The following DRC8 variants were observed in gnomAD, a reference collection of about 807,000 sequenced individuals.
DRC8 encodes dynein regulatory complex subunit 8.
chr1:245,052,478 G>A, the DRC8 span, among the ~76,000 whole-genome samples: 10 of 152,190 alleles, frequency 6.6e-5, 1 homozygote. Flanking sequence ...GAGGAACCAC[G>A]CAGCCAACCC....
the DRC8 span, among the ~76,000 whole-genome samples, chr1:245,112,587 A>C: frequency 6.6e-6 from 1 of 152,330 alleles, no homozygotes; most frequent in South Asian, 2.1e-4. Context: ...TGGAATATAC[A>C]TAACATCAAG....
the DRC8 span, among the ~76,000 whole-genome samples, chr1:245,094,866 T>C: frequency 6.6e-6 from 1 of 152,370 alleles, no homozygotes; most frequent in East Asian, 1.9e-4. Flanking sequence ...TTACTAATGC[T>C]TTGCTTCATC....
chr1:245,047,974 CAAA>C, the DRC8 span, among the ~76,000 whole-genome samples: 204 of 102,768 alleles, frequency 2.0e-3, 1 homozygote, highest in African/African-American at 5.7e-3. Context: ...GACTCTGTCT[CAAA>C]AAAAAAAAAA....
At chr1:245,110,326 G>C in the DRC8 span, among the ~76,000 whole-genome samples, 1 of 152,194 alleles carries the variant, frequency 6.6e-6, no homozygotes, top group Non-Finnish European at 1.5e-5. Context: ...GGAGGTTGCT[G>C]TGAGCCGAGA....
At chr1:245,076,995 G>A in the DRC8 span, among the ~76,000 whole-genome samples, 1 of 152,086 alleles carries the variant, frequency 6.6e-6, no homozygotes, top group East Asian at 1.9e-4. Flanking sequence ...AAAGTGCTGG[G>A]ATTACAGGCG....
At chr1:244,980,999 A>G in the DRC8 span, among the ~76,000 whole-genome samples, 1 of 152,198 alleles carries the variant, frequency 6.6e-6, no homozygotes, top group Non-Finnish European at 1.5e-5. Context: ...CCTGACCAAC[A>G]TGGCAAAACC....
the DRC8 span, among the ~76,000 whole-genome samples, chr1:245,022,441 G>A: frequency 6.6e-6 from 1 of 151,964 alleles, no homozygotes; most frequent in African/African-American, 2.4e-5. Context: ...TGGAATTACA[G>A]GCATGAGCCA....
chr1:244,985,914 G>C, the DRC8 span, among the ~76,000 whole-genome samples: 1 of 151,246 alleles, frequency 6.6e-6, no homozygotes, highest in African/African-American at 2.4e-5. Context: ...AAAGTTCAGG[G>C]TTCCACAAAA....
At chr1:245,032,227 G>C in the DRC8 span, among the ~76,000 whole-genome samples, 3 of 152,312 alleles carry the variant, frequency 2.0e-5, no homozygotes, top group South Asian at 6.2e-4. Context: ...TATAGTAGCA[G>C]GGCCCAGGTA....
chr1:245,036,321 A>C, the DRC8 span, among the ~76,000 whole-genome samples: 1 of 152,272 alleles, frequency 6.6e-6, no homozygotes, highest in African/African-American at 2.4e-5. Context: ...AATCAAAACC[A>C]TAGTGAAATA....
At chr1:245,104,215 A>G in the DRC8 span, among the ~76,000 whole-genome samples, 1 of 152,222 alleles carries the variant, frequency 6.6e-6, no homozygotes, top group African/African-American at 2.4e-5. Flanking sequence ...AAAGAGTAGG[A>G]TCAATGGGCC....
the DRC8 span, among the ~76,000 whole-genome samples, chr1:245,118,046 A>C: frequency 6.6e-6 from 1 of 151,906 alleles, no homozygotes; most frequent in Non-Finnish European, 1.5e-5. Flanking sequence ...AAAAACCTCT[A>C]TTACGCTACC....
chr1:245,048,953 C>T, the DRC8 span, among the ~76,000 whole-genome samples: 7 of 150,576 alleles, frequency 4.6e-5, no homozygotes, highest in Non-Finnish European at 8.9e-5. Flanking sequence ...TAGGTGTGCA[C>T]CGCTGGGGTC....
the DRC8 span, among the ~76,000 whole-genome samples, chr1:244,977,869 G>A: frequency 2.0e-5 from 3 of 152,092 alleles, no homozygotes; most frequent in Non-Finnish European, 4.4e-5. Context: ...CAAAATAAAT[G>A]GTTGTATGTC....
chr1:245,014,583 A>G, the DRC8 span, among the ~76,000 whole-genome samples: 1 of 152,132 alleles, frequency 6.6e-6, no homozygotes, highest in Non-Finnish European at 1.5e-5. Flanking sequence ...GGAAAAATAT[A>G]ACATTTACGT....
the DRC8 span, among the ~76,000 whole-genome samples, chr1:245,000,333 T>C: frequency 6.6e-6 from 1 of 152,218 alleles, no homozygotes; most frequent in East Asian, 1.9e-4. Context: ...TGCGTGCAAC[T>C]TAAAACTTAA....
chr1:245,073,358 A>G, the DRC8 span, among the ~76,000 whole-genome samples: 6 of 151,846 alleles, frequency 4.0e-5, no homozygotes, highest in Non-Finnish European at 7.4e-5. Flanking sequence ...CTGGTCTCAA[A>G]CTCCTGGCCT....
chr1:245,051,285 G>A, the DRC8 span, among the ~76,000 whole-genome samples: 211 of 152,126 alleles, frequency 1.4e-3, no homozygotes, highest in African/African-American at 4.5e-3. Context: ...TCAGTTGCTC[G>A]GAAGGCTGAA....
the DRC8 span, among the ~76,000 whole-genome samples, chr1:244,979,290 A>ATT: frequency 4.0e-5 from 2 of 49,892 alleles, no homozygotes; most frequent in African/African-American, 1.7e-4. Context: ...ACCGAAGCTT[A>ATT]TCTTTTTTTT....
Sources: allele counts gnomAD v4.1 joint callset (sites outside exome capture counted in the v4.1 genomes callset), GRCh38; gene constraint gnomAD v4.1.1; transcripts MANE v1.5; gene names NCBI Gene and HGNC (gene_info 2026-07-23, HGNC 2026-07-21).